UBR2: variants seen among roughly 807,000 people sequenced by gnomAD.
The protein encoded by UBR2 is ubiquitin protein ligase E3 component n-recognin 2.
Under a neutral mutation model 247.9 loss-of-function variants are expected in UBR2, and 92 were observed. The ratio of observed to expected loss-of-function variants is 0.37; its 90% CI spans 0.31 to 0.44. The LOEUF (loss-of-function observed/expected upper bound fraction) is 0.44, where lower values mean the gene tolerates loss of function less well. UBR2 is among the 20% of genes least tolerant of loss of function. The probability of loss-of-function intolerance (pLI) is 1.00; values close to 1 mark genes in which losing one functional copy is unlikely to be tolerated. For missense variants in UBR2, 1,613 were observed against 2,112.6 expected, an observed-to-expected ratio of 0.76 and a Z score of 4.64; for synonymous variants, 672 against 693.5, an observed-to-expected ratio of 0.97 and a Z score of 0.49.
intron 1 of UBR2, among the ~76,000 whole-genome samples, chr6:42,569,545 ATTTG>A (rs1790985388): frequency 6.6e-6 from 1 of 152,096 alleles, no homozygotes; most frequent in Non-Finnish European, 1.5e-5. Flanking sequence ...TCTTAATATA[ATTTG>A]TTTAAAATTT....
At chr6:42,650,500 T>A in intron 23 of UBR2, 114 bp downstream of exon 23, 1 of 795,250 alleles carries the variant, frequency 1.3e-6, no homozygotes, top group South Asian at 1.8e-5. Context: ...AATGCCATTA[T>A]AGAGCATTGC....
intron 2 of UBR2, among the ~76,000 whole-genome samples, chr6:42,582,091 G>T (rs1460846332): frequency 1.3e-5 from 2 of 151,972 alleles, no homozygotes. Context: ...AGACCATCCT[G>T]GCTAACATGG....
rs1799554020 is a variant in UBR2, at chr6:42,688,196, G to A, written c.4854-20G>A. The A allele has an allele frequency of 1.9e-6, 3 of 1,614,038 alleles. No individual in the cohort carries two copies. Among genetic ancestry groups the A allele is most frequent in the African/African-American group, 2.7e-5 (2 of 75,016 alleles). ...GCCACTCTTTAGATCAATGACTTGT[G>A]GGTTTTTTATCCCTTGGAGGTGCCC... On this transcript the variant is annotated intron_variant, in intron 44 of 46. Transcript: ENST00000372901.
intron 34 of UBR2, among the ~76,000 whole-genome samples, chr6:42,667,234 G>T (rs927159199): frequency 8.6e-5 from 13 of 151,978 alleles, no homozygotes; most frequent in African/African-American, 2.9e-4. Flanking sequence ...TACTTGGGGG[G>T]CTGAGGCAGG....
chr6:42,637,213 A>C lies in UBR2; in HGVS notation c.1858+19A>C, dbSNP rs1470149614. On this transcript the variant is annotated intron_variant, in intron 15 of 46. Transcript: ENST00000372901. Reference sequence around the variant, plus strand: ...CTTGCAGGTAAAGCATTTCCCCTAAAATAAAACCCTAAAATTATCTTTTAA... The same window carrying C: ...CTTGCAGGTAAAGCATTTCCCCTAACATAAAACCCTAAAATTATCTTTTAA... 6.3e-7 allele frequency: 1 copy of C among 1,598,688 alleles called. No homozygotes were observed. Among genetic ancestry groups the C allele is most frequent in the Non-Finnish European group, 8.5e-7 (1 of 1,170,640 alleles).
chr6:42,692,611 A>G lies in UBR2; in HGVS notation c.*1438A>G, dbSNP rs975082350. On this transcript the variant is annotated 3_prime_UTR_variant, in exon 47 of 47. Transcript: ENST00000372901. ...AGAGGCTCTTGGATTTTTTTAACCA[A>G]TGCAACTGACCCTTTCAATCAGTTT... is the stretch of plus-strand genomic sequence containing the variant. The G allele has an allele frequency of 6.6e-6, 1 of 152,160 alleles. No individual in the cohort carries two copies. The highest frequency in any genetic ancestry group is 1.5e-5 in the Non-Finnish European group (1 of 68,022). The allele number at this position is 152,160 out of a possible 1,614,324, so 9.4% of individuals were successfully genotyped here.
intron 38 of UBR2, 100 bp from the exon 39 acceptor site, chr6:42,675,956 C>A (rs796468475): frequency 1.1e-5 from 15 of 1,337,474 alleles, no homozygotes; most frequent in Middle Eastern, 2.0e-4. Context: ...GACTCTGTCT[C>A]AAAAAAAAAA....
chr6:42,651,385 T>C (rs948758285), intron 23 of UBR2, among the ~76,000 whole-genome samples: 2 of 152,116 alleles, frequency 1.3e-5, no homozygotes, highest in Non-Finnish European at 2.9e-5. Context: ...CATGTTTCCC[T>C]TCTAATTTAA....
chr6:42,573,684 A>G, intron 1 of UBR2, 50 bp from the exon 2 acceptor site: 1 of 1,434,432 alleles, frequency 7.0e-7, no homozygotes, highest in South Asian at 1.6e-5. Context: ...ATTTGTTCAA[A>G]TTAGTTTGTT....
intron 5 of UBR2, 28 bp from the exon 6 acceptor site, chr6:42,605,693 A>T: frequency 6.3e-7 from 1 of 1,584,712 alleles, no homozygotes; most frequent in Non-Finnish European, 8.6e-7. Flanking sequence ...ACAAATAGAT[A>T]ATATATCATG....
intron 11 of UBR2, among the ~76,000 whole-genome samples, chr6:42,628,689 C>A (rs1795505836): frequency 6.8e-6 from 1 of 146,806 alleles, no homozygotes; most frequent in African/African-American, 2.5e-5. Context: ...TGCCACTGCA[C>A]TCTAGCCTGA....
chr6:42,576,707 G>A (rs1226813338), intron 2 of UBR2, among the ~76,000 whole-genome samples: 2 of 151,900 alleles, frequency 1.3e-5, no homozygotes, highest in East Asian at 3.9e-4. Flanking sequence ...TTTTAGTAGG[G>A]ATGGGGTTTC....
At chr6:42,620,618 T>G (rs143043140) in intron 11 of UBR2, among the ~76,000 whole-genome samples, 1 of 147,406 alleles carries the variant, frequency 6.8e-6, no homozygotes, top group African/African-American at 2.5e-5. Context: ...CGTGCCCAGC[T>G]AAGTTTTTGT....
At chr6:42,662,948 AC>A (rs1797901297) in intron 31 of UBR2, among the ~76,000 whole-genome samples, 1 of 151,700 alleles carries the variant, frequency 6.6e-6, no homozygotes. Flanking sequence ...AACAACAACA[AC>A]AACAAAAAAA....
chr6:42,663,884 C>T (rs1582683360), intron 32 of UBR2, among the ~76,000 whole-genome samples: 1 of 152,100 alleles, frequency 6.6e-6, no homozygotes, highest in Non-Finnish European at 1.5e-5. Context: ...CTCAGCTGGG[C>T]GTTGTGGCTC....
At chr6:42,580,547 A>T (rs1791814626) in intron 2 of UBR2, among the ~76,000 whole-genome samples, 3 of 148,934 alleles carry the variant, frequency 2.0e-5, no homozygotes, top group African/African-American at 4.9e-5. Context: ...TTAATTGTAC[A>T]TTTTTTTTTT....
chr6:42,632,734 A>G lies in UBR2; in HGVS notation c.1445+19A>G, dbSNP rs1005614571. The G allele has an allele frequency of 1.3e-6, 2 of 1,590,788 alleles. No individual in the cohort carries two copies. Among genetic ancestry groups the G allele is most frequent in the African/African-American group, 1.4e-5 (1 of 73,538 alleles). ...ATCTCAAGTAAGTTTTCATTTAATT[A>G]TTAAACCAGTTGCAATTTATAGAAA... On this transcript the variant is annotated intron_variant, in intron 12 of 46. Coordinates refer to ENST00000372901, the MANE Select transcript of UBR2 (RefSeq NM_001363705.2).
At chr6:42,597,920 CA>C (rs138540169) in intron 4 of UBR2, among the ~76,000 whole-genome samples, 41 of 138,744 alleles carry the variant, frequency 3.0e-4, no homozygotes, top group Admixed American at 3.6e-4. Flanking sequence ...TCTCAAAAAC[CA>C]AAAAAAAAAA....
At chr6:42,646,596 G>T (rs1230239797) in intron 21 of UBR2, among the ~76,000 whole-genome samples, 2 of 151,984 alleles carry the variant, frequency 1.3e-5, no homozygotes, top group Non-Finnish European at 2.9e-5. Flanking sequence ...ACTACTCAGG[G>T]CAGGATGTGG....
Sources: gnomAD v4.1 joint callset for allele counts (sites outside exome capture counted in the v4.1 genomes callset) on GRCh38, gnomAD v4.1.1 for gene constraint, MANE v1.5 for transcripts, NCBI Gene and HGNC (gene_info 2026-07-23, HGNC 2026-07-21) for gene names.